POFUT2: variants seen among roughly 807,000 people sequenced by gnomAD.
POFUT2 encodes protein O-fucosyltransferase 2.
POFUT2 carries 30 observed loss-of-function variants against 55.0 expected under a neutral mutation model. That is an observed-to-expected ratio of 0.55 (90% CI 0.41 to 0.74). The LOEUF (loss-of-function observed/expected upper bound fraction) is 0.74, where lower values mean the gene tolerates loss of function less well. Ranked by LOEUF, POFUT2 falls within the 30% of genes least tolerant of loss-of-function variation. The pLI, the probability that POFUT2 is intolerant of heterozygous loss-of-function variation, is 0.00. For synonymous variants in POFUT2, 267 were observed against 231.1 expected (o/e 1.16, Z -1.41); for missense variants, 524 against 562.6 (o/e 0.93, Z 0.69).
At chr21:45,266,008 A>G in intron 8 of POFUT2, 1 of 1,207,998 alleles carries the variant, frequency 8.3e-7, no homozygotes, top group Non-Finnish European at 1.1e-6. Flanking sequence ...GAACAATGAG[A>G]GATTCCTACT....
chr21:45,268,791 C>T (rs1346417291), intron 7 of POFUT2, among the ~76,000 whole-genome samples: 1 of 150,998 alleles, frequency 6.6e-6, no homozygotes. Context: ...GCCCGGCAGC[C>T]ACCCCGTCCG....
intron 6 of POFUT2, among the ~76,000 whole-genome samples, chr21:45,272,731 G>C (rs1480532024): frequency 6.6e-6 from 1 of 152,110 alleles, no homozygotes; most frequent in Non-Finnish European, 1.5e-5. Flanking sequence ...AGTAAAACTG[G>C]AAATTAAATC....
At chr21:45,278,352 C>T (rs1436040457) in intron 4 of POFUT2, among the ~76,000 whole-genome samples, 183 bp from the exon 5 acceptor site, 3 of 152,194 alleles carry the variant, frequency 2.0e-5, no homozygotes, top group African/African-American at 7.2e-5. Context: ...GTCTGGCCTC[C>T]ACACCACGGT....
At chr21:45,269,364 A>G (rs1895269060) in intron 7 of POFUT2, among the ~76,000 whole-genome samples, 1 of 152,148 alleles carries the variant, frequency 6.6e-6, no homozygotes, top group Non-Finnish European at 1.5e-5. Flanking sequence ...AGGTGGGGAA[A>G]AGATTGAGAA....
chr21:45,275,170 A>G (rs1211252554), intron 6 of POFUT2, among the ~76,000 whole-genome samples: 1 of 152,262 alleles, frequency 6.6e-6, no homozygotes, highest in Non-Finnish European at 1.5e-5. Context: ...GTATGAAAAA[A>G]TGCTTAACTT....
intron 6 of POFUT2, among the ~76,000 whole-genome samples, chr21:45,276,214 TAAATAAAATTAA>T (rs1329879321): frequency 2.0e-4 from 29 of 143,510 alleles, no homozygotes; most frequent in African/African-American, 5.7e-4. Flanking sequence ...ACAAATTAAT[TAAATAAAATTAA>T]AAATAAAATT....
At position 45,277,481 on chromosome 21, in the gene POFUT2, T is replaced by G; in HGVS notation, c.706-339A>C. ...CTCAGTCTCTCCCCAACTCGACTTC[T>G]AGCTTAGGCGGTTAGCACATCCTGC... On this transcript the variant is annotated intron_variant, in intron 5 of 8. Transcript: ENST00000349485. This position sits in a 1 kb window ranked among gnomAD's most constrained non-coding sequence, Gnocchi z 6.9. The G allele has an allele frequency of 3.1e-6, 1 of 327,250 alleles. No individual in the cohort carries two copies. The highest frequency in any genetic ancestry group is 5.8e-6 in the Non-Finnish European group (1 of 171,900). 20.3% of individuals were successfully genotyped at this position (327,250 alleles called of 1,614,324 possible). A position where few individuals can be genotyped will look rare whatever the true frequency, so the allele number is the denominator to read the frequency against.
rs1487093100 is a variant in POFUT2 at position 45,268,918 on chromosome 21, C to T, written c.1012+921G>A. 5.2e-4 allele frequency among the ~76,000 whole-genome samples: 50 copies of T among 95,886 alleles called. 5 individuals are homozygous for T. The highest frequency in any genetic ancestry group is 7.2e-4 in the Non-Finnish European group (34 of 47,420). The allele number at this position is 95,886 out of a possible 152,430, so 62.9% of individuals were successfully genotyped here. Reference sequence around the variant, plus strand: ...CCGTCCGGGAGGGAGGTGGGGGGGTCAGCCCCCCGCCTGGCCAGCCGCCCC... The same window carrying T: ...CCGTCCGGGAGGGAGGTGGGGGGGTTAGCCCCCCGCCTGGCCAGCCGCCCC... On this transcript the variant is annotated intron_variant, in intron 7 of 8. Coordinates refer to ENST00000349485, the MANE Select transcript of POFUT2 (RefSeq NM_133635.6).
Position 45,277,644 on chromosome 21 carries a change from C to A in POFUT2, c.705+459G>T, listed in dbSNP as rs985305864. On this transcript the variant is annotated intron_variant, in intron 5 of 8. Coordinates refer to ENST00000349485, the MANE Select transcript of POFUT2 (RefSeq NM_133635.6). The surrounding 1 kb of genome is among the most constrained non-coding windows in gnomAD (Gnocchi z 6.9). ...GGCCTGCTGTGTCCACGGGAGGGGGCAGCCACTTCCCGCCCTCTGCTCCCA... is the reference window on the plus strand; with the variant it reads ...GGCCTGCTGTGTCCACGGGAGGGGGAAGCCACTTCCCGCCCTCTGCTCCCA... The A allele has an allele frequency of 4.5e-6, 1 of 221,342 alleles. No homozygotes were observed. The highest frequency in any genetic ancestry group is 9.1e-6 in the Non-Finnish European group (1 of 109,940). 13.7% of individuals were successfully genotyped at this position (221,342 alleles called of 1,614,324 possible). A position where few individuals can be genotyped will look rare whatever the true frequency, so the allele number is the denominator to read the frequency against.
At position 45,284,746 on chromosome 21, in the gene POFUT2, A is replaced by G. The variant is rs1456161159; in HGVS notation, c.382+932T>C. The stretch of plus-strand genomic sequence containing the variant: ...TGGCTGCTAGTTAGACCCAATACCC[A>G]ACCACAGCTTTCATCTTCCAGGACT... On this transcript the variant is annotated intron_variant, in intron 2 of 8. Coordinates refer to ENST00000349485, the MANE Select transcript of POFUT2 (RefSeq NM_133635.6). The surrounding 1 kb of genome is among the most constrained non-coding windows in gnomAD (Gnocchi z 5.8). Among the ~76,000 whole-genome samples the G allele has an allele frequency of 1.3e-5, 2 of 152,176 alleles. No individual in the cohort carries two copies. Among genetic ancestry groups the G allele is most frequent in the African/African-American group, 4.8e-5 (2 of 41,428 alleles).
rs2029992551 is a variant in POFUT2 at position 45,277,889 on chromosome 21, G to A, written c.705+214C>T. 1 of 599,950 alleles carries A rather than the reference G, an allele frequency of 1.7e-6. No individual in the cohort carries two copies. Among genetic ancestry groups the A allele is most frequent in the Non-Finnish European group, 3.0e-6 (1 of 337,050 alleles). The allele number at this position is 599,950 out of a possible 1,614,324, so 37.2% of individuals were successfully genotyped here. On this transcript the variant is annotated intron_variant, in intron 5 of 8. Coordinates refer to ENST00000349485, the MANE Select transcript of POFUT2 (RefSeq NM_133635.6). This position sits in a 1 kb window ranked among gnomAD's most constrained non-coding sequence, Gnocchi z 6.9. ...AGGGCCTGTGGCATCAGAGGGGAGA[G>A]CTGGGTGGCCCTGCGGGCTCCCGAG...
chr21:45,284,577 G>A lies in POFUT2; in HGVS notation c.383-1050C>T, dbSNP rs1439180478. On this transcript the variant is annotated intron_variant, in intron 2 of 8. Transcript: ENST00000349485. The surrounding 1 kb of genome is among the most constrained non-coding windows in gnomAD (Gnocchi z 5.8). ...ATGTGCCTCAGAAGCTCATTACACA[G>A]CATCTGTCTTCCCAGACCTTCCCAA... Among the ~76,000 whole-genome samples, 1 of 152,170 alleles carries A rather than the reference G, an allele frequency of 6.6e-6. No homozygotes were observed. The highest frequency in any genetic ancestry group is 1.5e-5 in the Non-Finnish European group (1 of 68,038).
In POFUT2 at chr21:45,264,214, C is replaced by CCTCA. The variant is rs16663; in HGVS notation, c.*1267_*1268insTGAG. 68,689 of 151,798 alleles carry CCTCA rather than the reference C, an allele frequency of 0.45. 16,926 individuals are homozygous for CCTCA. The highest frequency in any genetic ancestry group is 0.66 in the African/African-American group (27,343 of 41,340). The allele number at this position is 151,798 out of a possible 1,614,324, so 9.4% of individuals were successfully genotyped here. A position where few individuals can be genotyped will look rare whatever the true frequency, so the allele number is the denominator to read the frequency against. On this transcript the variant is annotated 3_prime_UTR_variant, in exon 9 of 9. Coordinates refer to ENST00000349485, the MANE Select transcript of POFUT2 (RefSeq NM_133635.6). ...CCGAAAGGAAGAGCTGTCTGTCCCTCCTAACTGTCCTCTCTCTGTCACAGG... is the reference window on the plus strand; with the variant it reads ...CCGAAAGGAAGAGCTGTCTGTCCCTCCTCACTAACTGTCCTCTCTCTGTCACAGG...
chr21:45,269,799 TAAAA>T, intron 7 of POFUT2, 36 bp downstream of exon 7: 6 of 1,559,410 alleles, frequency 3.8e-6, no homozygotes, highest in Non-Finnish European at 5.2e-6. Context: ...AAAAATAAAT[TAAAA>T]GAAAGGAAAG....
rs892275930 is a variant in POFUT2, at chr21:45,277,660, T to C, written c.705+443A>G. The C allele has an allele frequency of 6.2e-5, 14 of 226,832 alleles. No homozygotes were observed. In the Admixed American group the frequency reaches 7.3e-4, roughly 12 times the overall value. The allele number at this position is 226,832 out of a possible 1,614,324, so 14.1% of individuals were successfully genotyped here. A position where few individuals can be genotyped will look rare whatever the true frequency, so the allele number is the denominator to read the frequency against. On this transcript the variant is annotated intron_variant, in intron 5 of 8. Transcript: ENST00000349485. This position sits in a 1 kb window ranked among gnomAD's most constrained non-coding sequence, Gnocchi z 6.9. ...GGGAGGGGGCAGCCACTTCCCGCCC[T>C]CTGCTCCCACTCACTCACAGAACCA...
At chr21:45,266,030 G>A in intron 8 of POFUT2, 1 of 1,222,268 alleles carries the variant, frequency 8.2e-7, no homozygotes, top group Non-Finnish European at 1.0e-6. Context: ...ACCACACACT[G>A]TCTAGCCAGG....
chr21:45,274,760 A>G (rs1051011620), intron 6 of POFUT2, among the ~76,000 whole-genome samples: 1 of 152,216 alleles, frequency 6.6e-6, no homozygotes, highest in Admixed American at 6.5e-5. Flanking sequence ...GCCCACATGT[A>G]GAAGAATGAA....
At chr21:45,283,204 G>T (rs1269352113) in intron 3 of POFUT2, 179 bp downstream of exon 3, 8 of 427,842 alleles carry the variant, frequency 1.9e-5, no homozygotes, top group Admixed American at 1.5e-4. Context: ...TGCGGCCGGG[G>T]GGAGTGGGGG....
Position 45,270,012 on chromosome 21 carries a change from A to C in POFUT2, c.839T>G (p.Leu280Arg). Residue 280 changes from leucine to arginine, a missense_variant, in exon 7 of 9, where the codon CTG becomes CGG. This residue lies in a region of POFUT2 where 250 missense variants were observed against 318.2 expected (regional missense o/e 0.79). Transcript: ENST00000349485. The surrounding 1 kb of genome is among the most constrained non-coding windows in gnomAD (Gnocchi z 4.6). Reference sequence around the variant, plus strand: ...GTAGGGGCCCCCTAGCGCGGAGCCCAGCTTGACCTAGCAAAGAACCACAAG... The same window carrying C: ...GTAGGGGCCCCCTAGCGCGGAGCCCCGCTTGACCTAGCAAAGAACCACAAG... ...QEDWMKMKVK[L>R]GSALGGPYLG... 3 of 1,546,056 alleles carry C rather than the reference A, an allele frequency of 1.9e-6. No homozygotes were observed. The highest frequency in any genetic ancestry group is 2.6e-6 in the Non-Finnish European group (3 of 1,151,510).
Sources: allele counts gnomAD v4.1 joint callset (sites outside exome capture counted in the v4.1 genomes callset), GRCh38; gene constraint gnomAD v4.1.1; regional missense constraint gnomAD v4.1.1; non-coding constraint Gnocchi (gnomAD v3.1); transcripts MANE v1.5; gene names NCBI Gene and HGNC (gene_info 2026-07-23, HGNC 2026-07-21).